The following MBD5 variants were observed in gnomAD, a reference collection of about 807,000 sequenced individuals.
The protein encoded by MBD5 is methyl-CpG-binding domain protein 5.
MBD5 carries 13 observed loss-of-function variants against 117.3 expected under a neutral mutation model. The ratio of observed to expected loss-of-function variants is 0.11; its 90% CI spans 0.07 to 0.18. The LOEUF is 0.18. Among genes scored for constraint, MBD5 ranks in the 10% least tolerant of loss-of-function variants. The pLI is 1.00. For synonymous variants in MBD5, 727 were observed against 766.4 expected, an observed-to-expected ratio of 0.95 and a Z score of 0.85; for missense variants, 1,879 against 2,093.8, an observed-to-expected ratio of 0.90 and a Z score of 2.00.
intron 3 of MBD5, among the ~76,000 whole-genome samples, chr2:148,274,583 T>C (rs903671727): frequency 1.3e-5 from 2 of 152,222 alleles, no homozygotes; most frequent in African/African-American, 4.8e-5. Flanking sequence ...AGTCCTAATT[T>C]TTTAAGAAGG....
At chr2:148,343,449 T>A (rs1463891241) in intron 4 of MBD5, among the ~76,000 whole-genome samples, 1 of 152,136 alleles carries the variant, frequency 6.6e-6, no homozygotes, top group Non-Finnish European at 1.5e-5. Context: ...GTTTTTTGAC[T>A]TTTTAATAAT....
At position 148,286,451 on chromosome 2, in the gene MBD5, G is replaced by C. The variant is rs1701370774; in HGVS notation, c.-680+53056G>C. On this transcript the variant is annotated intron_variant, in intron 3 of 13. Coordinates refer to ENST00000642680, the MANE Select transcript of MBD5 (RefSeq NM_001378120.1). The stretch of plus-strand genomic sequence containing the variant: ...ACTTCTCATTGATTTTAATTTTCCA[G>C]ACTTTGCAGACCTCTGTTTATTTAG... Among the ~76,000 whole-genome samples, 3 of 152,106 alleles carry C rather than the reference G, an allele frequency of 2.0e-5. No individual in the cohort carries two copies. In the South Asian group the frequency reaches 6.2e-4, roughly 32 times the overall value.
Position 148,068,844 on chromosome 2 carries a change from A to C in MBD5, c.-925+47160A>C, listed in dbSNP as rs780702836. ...TAAGATTCTTCTAATTTTACTAATAATTTGATTCTTTTGTTTAAGATTGGA... is the reference window on the plus strand; with the variant it reads ...TAAGATTCTTCTAATTTTACTAATACTTTGATTCTTTTGTTTAAGATTGGA... On this transcript the variant is annotated intron_variant, in intron 1 of 13. Coordinates refer to ENST00000642680, the MANE Select transcript of MBD5 (RefSeq NM_001378120.1). Among the ~76,000 whole-genome samples, 14 of 152,238 alleles carry C rather than the reference A, an allele frequency of 9.2e-5. No homozygotes were observed. In the South Asian group the frequency reaches 1.7e-3, roughly 18 times the overall value.
At chr2:148,337,665 G>A (rs1702833059) in intron 3 of MBD5, among the ~76,000 whole-genome samples, 2 of 142,086 alleles carry the variant, frequency 1.4e-5, no homozygotes, top group Admixed American at 7.2e-5. Flanking sequence ...TCTATGTCAT[G>A]TGAATAACCT....
intron 12 of MBD5, 144 bp from the exon 13 acceptor site, chr2:148,509,916 T>C (rs1559108960): frequency 1.5e-6 from 1 of 685,440 alleles, no homozygotes; most frequent in Non-Finnish European, 2.7e-6. Context: ...CCCAGAGTGA[T>C]GTTTTGTCAT....
intron 3 of MBD5, among the ~76,000 whole-genome samples, chr2:148,267,830 A>G (rs944979111): frequency 6.6e-6 from 1 of 151,988 alleles, no homozygotes; most frequent in African/African-American, 2.4e-5. Context: ...AGAAGAATCA[A>G]TCTTATTCCC....
intron 4 of MBD5, among the ~76,000 whole-genome samples, chr2:148,380,623 G>T (rs1704109473): frequency 1.3e-5 from 2 of 152,146 alleles, no homozygotes; most frequent in Non-Finnish European, 2.9e-5. Flanking sequence ...GAAGAGAGTA[G>T]TGGTTCTCCC....
chr2:148,186,470 A>T (rs1458555288), intron 2 of MBD5, among the ~76,000 whole-genome samples: 2 of 152,238 alleles, frequency 1.3e-5, no homozygotes, highest in African/African-American at 2.4e-5. Context: ...TTTGTCAACA[A>T]GAGGGTAGAT....
At chr2:148,393,847 G>T (rs1388794326) in intron 4 of MBD5, among the ~76,000 whole-genome samples, 2 of 152,146 alleles carry the variant, frequency 1.3e-5, no homozygotes, top group African/African-American at 4.8e-5. Context: ...TGAAAGATTA[G>T]TAGCAGTGAC....
chr2:148,023,599 T>A, intron 1 of MBD5, among the ~76,000 whole-genome samples: 1 of 152,198 alleles, frequency 6.6e-6, no homozygotes, highest in African/African-American at 2.4e-5. Flanking sequence ...TTTCTTGTTC[T>A]CACCTTAAAA....
chr2:148,303,568 AAAGTG>A (rs1701822286), intron 3 of MBD5, among the ~76,000 whole-genome samples: 1 of 152,244 alleles, frequency 6.6e-6, no homozygotes, highest in African/African-American at 2.4e-5. Context: ...CAAAAAAAGA[AAAGTG>A]TAGAATATGA....
chr2:148,273,530 A>T (rs1701033009), intron 3 of MBD5, among the ~76,000 whole-genome samples: 1 of 152,084 alleles, frequency 6.6e-6, no homozygotes, highest in Non-Finnish European at 1.5e-5. Context: ...CCCTACCAAG[A>T]AACTGACTCA....
intron 3 of MBD5, among the ~76,000 whole-genome samples, chr2:148,313,527 G>C (rs1015065897): frequency 2.6e-5 from 4 of 152,176 alleles, no homozygotes; most frequent in African/African-American, 9.6e-5. Context: ...ACTTCAGACT[G>C]CTCTGCTGGC....
intron 4 of MBD5, among the ~76,000 whole-genome samples, chr2:148,428,384 T>C (rs1380635227): frequency 6.6e-6 from 1 of 152,082 alleles, no homozygotes; most frequent in South Asian, 2.1e-4. Context: ...TGCTCATAGA[T>C]AGGAAGAATC....
intron 1 of MBD5, among the ~76,000 whole-genome samples, chr2:148,035,708 G>A (rs1025678831): frequency 4.6e-5 from 7 of 152,194 alleles, no homozygotes; most frequent in Middle Eastern, 6.8e-3. Flanking sequence ...TTAAGAGCAC[G>A]GACCCTAGAG....
At chr2:148,124,291 CCAAA>C (rs765573424) in intron 1 of MBD5, among the ~76,000 whole-genome samples, 9 of 151,194 alleles carry the variant, frequency 6.0e-5, no homozygotes, top group African/African-American at 1.7e-4. Flanking sequence ...AAACAAACAA[CCAAA>C]CAAACACACA....
chr2:148,314,192 A>G (rs945771234), intron 3 of MBD5, among the ~76,000 whole-genome samples: 2 of 151,858 alleles, frequency 1.3e-5, no homozygotes, highest in Non-Finnish European at 2.9e-5. Context: ...ATAGATCAGC[A>G]TTTTATAAAC....
At chr2:148,169,354 C>G (rs1001098707) in intron 1 of MBD5, among the ~76,000 whole-genome samples, 2 of 152,152 alleles carry the variant, frequency 1.3e-5, no homozygotes, top group African/African-American at 4.8e-5. Context: ...CCAGCTCATT[C>G]ACTGAGTCCC....
chr2:148,460,279 C>T lies in MBD5; in HGVS notation c.113+1408C>T, dbSNP rs1207156017. ...CAAAGTAAATCTGGGAGTCAAAAAC[C>T]AAGTTAAAGTCTAAGAAACTGTCAG... On this transcript the variant is annotated intron_variant, in intron 5 of 13. Transcript: ENST00000642680. 3 of 151,964 alleles carry T rather than the reference C, an allele frequency of 2.0e-5. No individual in the cohort carries two copies. The East Asian group carries it at 5.8e-4, about 29-fold the overall frequency. 9.4% of individuals were successfully genotyped at this position (151,964 alleles called of 1,614,324 possible).
Sources: allele counts gnomAD v4.1 joint callset (sites outside exome capture counted in the v4.1 genomes callset), GRCh38; gene constraint gnomAD v4.1.1; transcripts MANE v1.5; gene names NCBI Gene and HGNC (gene_info 2026-07-23, HGNC 2026-07-21).